The following ANO10 variants were observed in gnomAD, a reference collection of about 807,000 sequenced individuals.
The protein encoded by ANO10 is anoctamin-10.
ANO10 carries 77 observed loss-of-function variants against 74.7 expected under a neutral mutation model. That is an observed-to-expected ratio of 1.03 (90% CI 0.86 to 1.25). ANO10 has a LOEUF of 1.25. Ranked by LOEUF, ANO10 falls within the 50% of genes most tolerant of loss-of-function variation. The pLI is 0.00. For synonymous variants in ANO10, 279 were observed against 284.9 expected (o/e 0.98, Z 0.21); for missense variants, 721 against 778.1 (o/e 0.93, Z 0.87).
intron 4 of ANO10, among the ~76,000 whole-genome samples, chr3:43,596,778 C>T (rs1330062348): frequency 5.9e-5 from 9 of 152,138 alleles, no homozygotes; most frequent in African/African-American, 1.9e-4. Flanking sequence ...CTAATTAAAC[C>T]AAAGAGCTTC....
chr3:43,595,059 C>A (rs1338142087), intron 4 of ANO10, among the ~76,000 whole-genome samples: 1 of 152,100 alleles, frequency 6.6e-6, no homozygotes, highest in Non-Finnish European at 1.5e-5. Context: ...CAAGACTAAA[C>A]CAGGAAGAAG....
chr3:43,480,600 C>T (rs1430006312), intron 11 of ANO10, among the ~76,000 whole-genome samples: 3 of 152,092 alleles, frequency 2.0e-5, no homozygotes, highest in African/African-American at 4.8e-5. Context: ...CTCTCATGAA[C>T]CTGCCAAGAT....
intron 1 of ANO10, among the ~76,000 whole-genome samples, chr3:43,686,333 T>A (rs2149584624): frequency 6.6e-6 from 1 of 152,268 alleles, no homozygotes; most frequent in South Asian, 2.1e-4. Context: ...TCATCCAGCC[T>A]GGGGTACAGT....
rs189195335 is a variant in ANO10, at chr3:43,682,779, C to T, written c.-12+8738G>A. 2.5e-3 allele frequency among the ~76,000 whole-genome samples: 386 copies of T among 152,238 alleles called. 3 individuals are homozygous for T. Among genetic ancestry groups the T allele is most frequent in the African/African-American group, 8.0e-3 (333 of 41,534 alleles). ...TGGGATGGAAGGCTAGTTCAACATACGCAAATCAATAAACATAATCCAGCA... is the reference window on the plus strand; with the variant it reads ...TGGGATGGAAGGCTAGTTCAACATATGCAAATCAATAAACATAATCCAGCA... On this transcript the variant is annotated intron_variant, in intron 1 of 3. Transcript: ENST00000413397.
intron 11 of ANO10, among the ~76,000 whole-genome samples, chr3:43,440,918 T>G (rs888690326): frequency 6.6e-6 from 1 of 151,998 alleles, no homozygotes; most frequent in African/African-American, 2.4e-5. Context: ...ATTCACAAAT[T>G]GTGGAAATTA....
chr3:43,429,451 A>G (rs1198350342), intron 12 of ANO10, among the ~76,000 whole-genome samples: 4 of 152,176 alleles, frequency 2.6e-5, no homozygotes, highest in African/African-American at 9.7e-5. Flanking sequence ...ATGAAGCATG[A>G]TTCTTCCTAG....
intron 4 of ANO10, among the ~76,000 whole-genome samples, chr3:43,590,842 C>T (rs188542255): frequency 6.6e-5 from 10 of 152,250 alleles, no homozygotes; most frequent in Admixed American, 3.9e-4. Context: ...TTTCCTAGGC[C>T]GACTAAGAAT....
chr3:43,520,587 T>C (rs2077909227), intron 11 of ANO10, among the ~76,000 whole-genome samples: 1 of 152,216 alleles, frequency 6.6e-6, no homozygotes, highest in African/African-American at 2.4e-5. Context: ...TGAAGGTTGA[T>C]TTCTGGCCTC....
At chr3:43,458,531 A>G (rs1268279718) in intron 11 of ANO10, among the ~76,000 whole-genome samples, 1 of 152,218 alleles carries the variant, frequency 6.6e-6, no homozygotes, top group African/African-American at 2.4e-5. Flanking sequence ...CATAGGAAAT[A>G]TTTCTACAGG....
chr3:43,631,504 G>T (rs983279913), intron 1 of ANO10, among the ~76,000 whole-genome samples: 3 of 152,082 alleles, frequency 2.0e-5, no homozygotes, highest in African/African-American at 7.2e-5. Flanking sequence ...CTATAAATTA[G>T]GGTTTTACTA....
At chr3:43,431,044 A>G (rs528071035) in intron 12 of ANO10, among the ~76,000 whole-genome samples, 1 of 150,632 alleles carries the variant, frequency 6.6e-6, no homozygotes, top group Non-Finnish European at 1.5e-5. Context: ...TTAATAATTT[A>G]TTTTTAGCTA....
intron 11 of ANO10, among the ~76,000 whole-genome samples, chr3:43,469,366 T>G (rs1021799547): frequency 6.6e-6 from 1 of 152,138 alleles, no homozygotes; most frequent in Non-Finnish European, 1.5e-5. Flanking sequence ...CTTTTAGTGA[T>G]TTGCCCCGCG....
intron 1 of ANO10, among the ~76,000 whole-genome samples, chr3:43,660,482 GAAGA>G (rs1191569389): frequency 6.6e-6 from 1 of 151,974 alleles, no homozygotes; most frequent in African/African-American, 2.4e-5. Flanking sequence ...CGATCAAGCA[GAAGA>G]AAGGATATCA....
chr3:43,540,648 G>A (rs148167709), intron 11 of ANO10, among the ~76,000 whole-genome samples: 58 of 152,266 alleles, frequency 3.8e-4, no homozygotes, highest in Non-Finnish European at 7.8e-4. Context: ...CTCTTGGTGA[G>A]CCATAAACTC....
chr3:43,435,730 T>C (rs575047643), intron 11 of ANO10, among the ~76,000 whole-genome samples: 2 of 152,324 alleles, frequency 1.3e-5, no homozygotes, highest in African/African-American at 4.8e-5. Flanking sequence ...ACATTTTCTA[T>C]TAAAAGTGAA....
intron 12 of ANO10, among the ~76,000 whole-genome samples, chr3:43,368,284 G>A (rs1197544596): frequency 6.6e-6 from 1 of 152,162 alleles, no homozygotes; most frequent in East Asian, 1.9e-4. Flanking sequence ...CAGTTTACCT[G>A]CGGTGGGGGT....
At chr3:43,367,084 G>A (rs1429457432) in intron 12 of ANO10, 110 bp from the exon 13 acceptor site, 5 of 1,012,440 alleles carry the variant, frequency 4.9e-6, no homozygotes, top group Non-Finnish European at 7.6e-6. Flanking sequence ...GGGAAGTGGT[G>A]ACTCTGATGC....
At chr3:43,414,356 T>C (rs2092707343) in intron 12 of ANO10, among the ~76,000 whole-genome samples, 1 of 152,156 alleles carries the variant, frequency 6.6e-6, no homozygotes, top group Non-Finnish European at 1.5e-5. Flanking sequence ...CTCAATTCTA[T>C]ATGTTTAATA....
At chr3:43,680,898 A>C (rs927305522) in intron 1 of ANO10, among the ~76,000 whole-genome samples, 1 of 152,212 alleles carries the variant, frequency 6.6e-6, no homozygotes, top group African/African-American at 2.4e-5. Flanking sequence ...TGTCACCACC[A>C]GGCCTGCCCT....
Sources: gnomAD v4.1 joint callset for allele counts (sites outside exome capture counted in the v4.1 genomes callset) on GRCh38, gnomAD v4.1.1 for gene constraint, MANE v1.5 for transcripts, NCBI Gene and HGNC (gene_info 2026-07-23, HGNC 2026-07-21) for gene names.